The following ZMAT4 variants were observed in gnomAD, a reference collection of about 807,000 sequenced individuals.
ZMAT4 encodes the protein zinc finger matrin-type 4.
A neutral mutation model predicts 28.7 loss-of-function variants in ZMAT4; 17 were observed. The ratio of observed to expected loss-of-function variants is 0.59; its 90% CI spans 0.41 to 0.89. The LOEUF is 0.89. Ranked by LOEUF, ZMAT4 falls within the 40% of genes least tolerant of loss-of-function variation. ZMAT4 has a pLI of 0.00. For synonymous variants in ZMAT4, 117 were observed against 109.2 expected (o/e 1.07, Z -0.44); for missense variants, 240 against 283.8 (o/e 0.85, Z 1.11).
chr8:40,805,656 G>A (rs1448640407), intron 2 of ZMAT4, among the ~76,000 whole-genome samples: 6 of 147,146 alleles, frequency 4.1e-5, no homozygotes, highest in African/African-American at 7.6e-5. Context: ...GGATGAAATC[G>A]GAAATCATCA....
chr8:40,586,466 T>C (rs543371218), intron 5 of ZMAT4, among the ~76,000 whole-genome samples: 1 of 152,314 alleles, frequency 6.6e-6, no homozygotes, highest in African/African-American at 2.4e-5. Context: ...CAATTCAAGG[T>C]AGACCATTAA....
intron 6 of ZMAT4, among the ~76,000 whole-genome samples, chr8:40,534,112 A>T (rs186022068): frequency 6.6e-6 from 1 of 152,342 alleles, no homozygotes; most frequent in African/African-American, 2.4e-5. Flanking sequence ...TAAAAGTGGT[A>T]TATTAAGAAC....
chr8:40,626,016 A>G (rs1166583509), intron 5 of ZMAT4, among the ~76,000 whole-genome samples: 3 of 151,262 alleles, frequency 2.0e-5, no homozygotes, highest in Non-Finnish European at 4.4e-5. Flanking sequence ...AGGCTGAGGC[A>G]GGAGAATCGT....
chr8:40,845,622 A>G (rs1816858951), intron 1 of ZMAT4, among the ~76,000 whole-genome samples: 1 of 152,028 alleles, frequency 6.6e-6, no homozygotes, highest in Non-Finnish European at 1.5e-5. Context: ...ATGTTCAGGC[A>G]AGATAGTCCT....
At chr8:40,536,979 G>T (rs1802868137) in intron 6 of ZMAT4, among the ~76,000 whole-genome samples, 1 of 152,008 alleles carries the variant, frequency 6.6e-6, no homozygotes, top group Non-Finnish European at 1.5e-5. Context: ...CAGGAAGATG[G>T]CTTTGTTCTC....
At chr8:40,685,280 G>A (rs1013594375) in intron 4 of ZMAT4, among the ~76,000 whole-genome samples, 3 of 152,046 alleles carry the variant, frequency 2.0e-5, no homozygotes, top group Admixed American at 1.3e-4. Flanking sequence ...AAGCAAGAAG[G>A]TACCCTAGTC....
At chr8:40,862,685 G>A (rs1817544642) in intron 1 of ZMAT4, among the ~76,000 whole-genome samples, 1 of 149,648 alleles carries the variant, frequency 6.7e-6, no homozygotes, top group African/African-American at 2.5e-5. Context: ...CATGGATGAA[G>A]CTGGAAACCA....
In ZMAT4 at chr8:40,888,873, T is replaced by C. The variant is rs369261661; in HGVS notation, c.-5+8810A>G. Reference sequence around the variant, plus strand: ...TAATAAGTGGATTAAGCCAAAGGCATGGCTTCTGGGAAGGAAGGATGACAG... The same window carrying C: ...TAATAAGTGGATTAAGCCAAAGGCACGGCTTCTGGGAAGGAAGGATGACAG... On this transcript the variant is annotated intron_variant, in intron 1 of 6. Transcript: ENST00000297737. 2.6e-4 allele frequency among the ~76,000 whole-genome samples: 39 copies of C among 152,332 alleles called. 1 individual carries two copies. The highest frequency in any genetic ancestry group is 8.4e-4 in the African/African-American group (35 of 41,584).
At chr8:40,675,124 G>A (rs1156363155) in intron 4 of ZMAT4, among the ~76,000 whole-genome samples, 193 bp from the exon 5 acceptor site, 1 of 152,158 alleles carries the variant, frequency 6.6e-6, no homozygotes, top group African/African-American at 2.4e-5. Flanking sequence ...AATTCTTAAT[G>A]TATTGAGATC....
intron 1 of ZMAT4, among the ~76,000 whole-genome samples, chr8:40,851,260 G>A (rs890881385): frequency 5.3e-5 from 8 of 152,214 alleles, no homozygotes; most frequent in Non-Finnish European, 8.8e-5. Flanking sequence ...CCCAGGAGGC[G>A]GAGATTGCAG....
At chr8:40,758,484 T>A (rs1183158012) in intron 3 of ZMAT4, among the ~76,000 whole-genome samples, 1 of 152,236 alleles carries the variant, frequency 6.6e-6, no homozygotes, top group Non-Finnish European at 1.5e-5. Context: ...TAAAGAACTA[T>A]GGCACGGTCA....
intron 5 of ZMAT4, among the ~76,000 whole-genome samples, chr8:40,672,400 G>C (rs530345006): frequency 6.6e-6 from 1 of 152,140 alleles, no homozygotes; most frequent in Non-Finnish European, 1.5e-5. Context: ...TTTAATGCTT[G>C]AATAAATATC....
At chr8:40,568,870 C>T (rs1458660031) in intron 6 of ZMAT4, among the ~76,000 whole-genome samples, 2 of 152,096 alleles carry the variant, frequency 1.3e-5, no homozygotes, top group African/African-American at 4.8e-5. Flanking sequence ...TACTTCTTCC[C>T]CTGAATTCTA....
intron 5 of ZMAT4, among the ~76,000 whole-genome samples, chr8:40,603,281 A>C (rs888926531): frequency 6.6e-6 from 1 of 152,186 alleles, no homozygotes; most frequent in African/African-American, 2.4e-5. Flanking sequence ...CCATTGGTCT[A>C]TGTGCCTATT....
intron 5 of ZMAT4, among the ~76,000 whole-genome samples, chr8:40,605,637 A>G (rs112177829): frequency 0.073 from 11,061 of 152,108 alleles, 873 homozygotes; most frequent in East Asian, 0.46. Context: ...TGTATATTCT[A>G]CAGTTGTTGG....
rs558991238 is a variant in ZMAT4, at chr8:40,646,600, T to G, written c.577+28104A>C. On this transcript the variant is annotated intron_variant, in intron 5 of 6. Coordinates refer to ENST00000297737, the MANE Select transcript of ZMAT4 (RefSeq NM_024645.3). ...TGTATTTATTGTTGTCAATTTAATT[T>G]AATTTGTCTAGAGGCAAATAAGGAC... Among the ~76,000 whole-genome samples, 2 of 152,306 alleles carry G rather than the reference T, an allele frequency of 1.3e-5. 1 individual carries two copies. The highest frequency in any genetic ancestry group is 4.1e-4 in the South Asian group (2 of 4,834).
At chr8:40,769,700 A>G (rs891987201) in intron 2 of ZMAT4, among the ~76,000 whole-genome samples, 2 of 151,972 alleles carry the variant, frequency 1.3e-5, no homozygotes, top group African/African-American at 4.8e-5. Flanking sequence ...CATTCCCTGC[A>G]TTATCAATCT....
chr8:40,696,997 C>T, intron 4 of ZMAT4: 1 of 383,604 alleles, frequency 2.6e-6, no homozygotes, highest in Non-Finnish European at 4.7e-6. Context: ...AGCTCTTCAG[C>T]AGATGCAAGC....
At chr8:40,582,380 G>T (rs1472418490) in intron 5 of ZMAT4, among the ~76,000 whole-genome samples, 1 of 152,122 alleles carries the variant, frequency 6.6e-6, no homozygotes, top group Non-Finnish European at 1.5e-5. Flanking sequence ...CACACCTGTA[G>T]TCCTAGCTAC....
Sources: allele counts gnomAD v4.1 joint callset (sites outside exome capture counted in the v4.1 genomes callset), GRCh38; gene constraint gnomAD v4.1.1; transcripts MANE v1.5; gene names NCBI Gene and HGNC (gene_info 2026-07-23, HGNC 2026-07-21).